SLCO1A2: variants seen among roughly 807,000 people sequenced by gnomAD.
SLCO1A2 encodes the protein OATP-1.
A neutral mutation model predicts 69.0 loss-of-function variants in SLCO1A2; 67 were observed. The ratio of observed to expected loss-of-function variants is 0.97; its 90% CI spans 0.80 to 1.19. SLCO1A2 has a LOEUF of 1.19. Among genes scored for constraint, SLCO1A2 ranks in the 50% most tolerant of loss-of-function variants. SLCO1A2 has a pLI of 0.00. For missense variants in SLCO1A2, 787 were observed against 793.7 expected, an observed-to-expected ratio of 0.99 and a Z score of 0.10; for synonymous variants, 260 against 265.9, an observed-to-expected ratio of 0.98 and a Z score of 0.22.
upstream of SLCO1A2, among the ~76,000 whole-genome samples, chr12:21,338,868 C>T (rs1952975910): frequency 6.6e-6 from 1 of 151,692 alleles, no homozygotes; most frequent in South Asian, 2.1e-4. Context: ...TGAGTTTTTT[C>T]CAACACATTT....
chr12:21,342,858 G>A (rs73069061), intron 2 of SLCO1A2, among the ~76,000 whole-genome samples: 13,806 of 152,060 alleles, frequency 0.091, 808 homozygotes, highest in African/African-American at 0.16. Flanking sequence ...AAGTATCAAA[G>A]ATGATTCCTA....
Position 21,414,623 on chromosome 12 carries a change from G to A in SLCO1A2, c.-312+3259C>T, listed in dbSNP as rs577877489. Reference sequence around the variant, plus strand: ...TCTCACACTTTCTTCAGAGAAATGTGCCATCTCTAAATGTTAGGTGCAGAA... The same window carrying A: ...TCTCACACTTTCTTCAGAGAAATGTACCATCTCTAAATGTTAGGTGCAGAA... On this transcript the variant is annotated intron_variant, in intron 1 of 4. Transcript: ENST00000413682. Among the ~76,000 whole-genome samples the A allele has an allele frequency of 4.6e-5, 7 of 152,042 alleles. No individual in the cohort carries two copies. The South Asian group carries it at 1.0e-3, about 23-fold the overall frequency.
intron 1 of SLCO1A2, chr12:21,376,329 G>T: frequency 5.6e-6 from 2 of 356,638 alleles, no homozygotes; most frequent in African/African-American, 2.2e-5. Flanking sequence ...TGAGATGTTT[G>T]GACCAAATTC....
chr12:21,319,936 GA>G (rs780404171), intron 2 of SLCO1A2, among the ~76,000 whole-genome samples: 4 of 152,204 alleles, frequency 2.6e-5, no homozygotes, highest in Admixed American at 6.5e-5. Context: ...TTTAAAACAG[GA>G]GCACTGTATA....
At chr12:21,302,117 G>A (rs11045953) in intron 6 of SLCO1A2, among the ~76,000 whole-genome samples, 16,792 of 151,888 alleles carry the variant, frequency 0.11, 1,031 homozygotes, top group Non-Finnish European at 0.13. Flanking sequence ...CAATTTCCCC[G>A]TAGCCAATGA....
chr12:21,271,222 T>C (rs536359120), intron 14 of SLCO1A2, among the ~76,000 whole-genome samples: 1 of 151,904 alleles, frequency 6.6e-6, no homozygotes, highest in African/African-American at 2.4e-5. Flanking sequence ...GATTAAAGCA[T>C]TGAATCTGAA....
chr12:21,293,308 A>C (rs1376118803), intron 11 of SLCO1A2, among the ~76,000 whole-genome samples: 1 of 146,746 alleles, frequency 6.8e-6, no homozygotes, highest in Non-Finnish European at 1.5e-5. Flanking sequence ...ATCTCAAAAA[A>C]AAGAAAAGAA....
chr12:21,370,972 G>A (rs1196698250), intron 2 of SLCO1A2, among the ~76,000 whole-genome samples: 2 of 152,210 alleles, frequency 1.3e-5, no homozygotes, highest in Admixed American at 1.3e-4. Context: ...TGAAGAGGCG[G>A]TGTTACAGCT....
chr12:21,401,190 A>G (rs954174666), intron 1 of SLCO1A2, among the ~76,000 whole-genome samples: 8 of 151,944 alleles, frequency 5.3e-5, no homozygotes, highest in Non-Finnish European at 1.0e-4. Context: ...AAATATATTT[A>G]ATTATAGACA....
At chr12:21,341,902 T>C (rs1035872495) in intron 2 of SLCO1A2, among the ~76,000 whole-genome samples, 2 of 152,032 alleles carry the variant, frequency 1.3e-5, no homozygotes, top group Non-Finnish European at 2.9e-5. Context: ...ATTTAAATCA[T>C]GTAAAGGGAA....
chr12:21,375,458 A>G (rs58833047), intron 1 of SLCO1A2, among the ~76,000 whole-genome samples: 11 of 152,346 alleles, frequency 7.2e-5, no homozygotes, highest in African/African-American at 2.4e-4. Flanking sequence ...ACATTATTCA[A>G]TGTCATTTTC....
rs183701047 is a variant in SLCO1A2, at chr12:21,303,775, G to A, written c.589+652C>T. On this transcript the variant is annotated intron_variant, in intron 6 of 14. Transcript: ENST00000683939. ...GAAACATAAACAAAAAGATGAAGAC[G>A]TATTTGTGAAAAATATGAAGAAGCC... Among the ~76,000 whole-genome samples, 26 of 152,196 alleles carry A rather than the reference G, an allele frequency of 1.7e-4. No homozygotes were observed. The East Asian group carries it at 3.7e-3, about 21-fold the overall frequency.
In SLCO1A2 at chr12:21,281,125, G is replaced by T. The variant is rs12298425; in HGVS notation, c.1611-5701C>A. 5.3e-3 allele frequency among the ~76,000 whole-genome samples: 800 copies of T among 152,120 alleles called. 5 individuals are homozygous for T. The highest frequency in any genetic ancestry group is 0.017 in the African/African-American group (691 of 41,526). ...AAGAAGGAAGTTTATAACTATAAAT[G>T]CCTACATCAAAAAAGAAGAAAAACT... On this transcript the variant is annotated intron_variant, in intron 12 of 14. Transcript: ENST00000683939.
chr12:21,417,230 A>C (rs952220711), intron 1 of SLCO1A2, among the ~76,000 whole-genome samples: 6 of 152,074 alleles, frequency 3.9e-5, no homozygotes, highest in Non-Finnish European at 8.8e-5. Context: ...CAAGAAATGT[A>C]ATTATACCAC....
At chr12:21,342,966 C>T (rs941101439) in intron 2 of SLCO1A2, among the ~76,000 whole-genome samples, 1 of 151,988 alleles carries the variant, frequency 6.6e-6, no homozygotes, top group African/African-American at 2.4e-5. Context: ...TGAACATACG[C>T]TCATACTTAC....
intron 14 of SLCO1A2, among the ~76,000 whole-genome samples, chr12:21,271,824 T>C (rs1220478024): frequency 6.7e-6 from 1 of 148,304 alleles, no homozygotes; most frequent in African/African-American, 2.4e-5. Context: ...TACTTATATG[T>C]ATATATTATA....
chr12:21,343,165 T>C (rs1428848704), intron 2 of SLCO1A2, among the ~76,000 whole-genome samples: 2 of 152,150 alleles, frequency 1.3e-5, no homozygotes, highest in Non-Finnish European at 1.5e-5. Flanking sequence ...TGGGACTCTG[T>C]AGATACAAAC....
intron 8 of SLCO1A2, 24 bp downstream of exon 8, chr12:21,300,324 A>G (rs370738065): frequency 3.5e-5 from 52 of 1,490,062 alleles, no homozygotes; most frequent in Middle Eastern, 3.7e-4. Context: ...TCAATTTCAT[A>G]GTATTTAGAA....
chr12:21,295,627 G>A lies in SLCO1A2; in HGVS notation c.1241C>T (p.Ser414Leu), dbSNP rs1474907564. 2 of 1,597,444 alleles carry A rather than the reference G, an allele frequency of 1.3e-6. No individual in the cohort carries two copies. Among genetic ancestry groups the A allele is most frequent in the Non-Finnish European group, 1.7e-6 (2 of 1,165,598 alleles). ...LSFLMTCENS[S>L]VVGINTSYEG... ...ATAAGAGGTATTTATTCCAACAACTGAAGAATTTTCACAAGTCATGAGAAA... is the reference window on the plus strand; with the variant it reads ...ATAAGAGGTATTTATTCCAACAACTAAAGAATTTTCACAAGTCATGAGAAA... Residue 414 changes from serine to leucine, a missense_variant, in exon 10 of 15, where the codon TCA becomes TTA. Ser to Leu is a moderately radical substitution (Grantham distance 145). Transcript: ENST00000683939.
Sources: allele counts gnomAD v4.1 joint callset (sites outside exome capture counted in the v4.1 genomes callset), GRCh38; gene constraint gnomAD v4.1.1; transcripts MANE v1.5; gene names NCBI Gene and HGNC (gene_info 2026-07-23, HGNC 2026-07-21).